CHCHD3: variants seen among roughly 807,000 people sequenced by gnomAD.
CHCHD3 encodes the protein MICOS complex subunit MIC19.
Under a neutral mutation model 38.2 loss-of-function variants are expected in CHCHD3, and 20 were observed. The ratio of observed to expected loss-of-function variants is 0.52; its 90% confidence interval spans 0.37 to 0.76. CHCHD3 has a LOEUF of 0.76. Among genes scored for constraint, CHCHD3 ranks in the 30% least tolerant of loss-of-function variants. The pLI, the probability that CHCHD3 is intolerant of heterozygous loss-of-function variation, is 0.00. For missense variants in CHCHD3, 245 were observed against 279.2 expected (o/e 0.88, Z 0.87); for synonymous variants, 82 against 100.0 (o/e 0.82, Z 1.07).
chr7:132,996,816 A>C (rs1410373889), intron 3 of CHCHD3, among the ~76,000 whole-genome samples: 1 of 152,180 alleles, frequency 6.6e-6, no homozygotes, highest in Admixed American at 6.5e-5. Context: ...CAAGAAGAAA[A>C]ACACCGTGGG....
intron 3 of CHCHD3, among the ~76,000 whole-genome samples, chr7:133,012,376 A>G (rs999796994): frequency 1.3e-5 from 2 of 152,202 alleles, no homozygotes; most frequent in African/African-American, 4.8e-5. Context: ...CAAAACACAA[A>G]AAGTCCTTTC....
intron 4 of CHCHD3, among the ~76,000 whole-genome samples, chr7:132,913,680 T>C (rs1196740944): frequency 1.3e-5 from 2 of 151,854 alleles, no homozygotes; most frequent in Admixed American, 6.6e-5. Context: ...GATGAACAAG[T>C]GTGGAGAATG....
intron 5 of CHCHD3, among the ~76,000 whole-genome samples, chr7:132,855,166 T>C: frequency 6.6e-6 from 1 of 152,146 alleles, no homozygotes; most frequent in African/African-American, 2.4e-5. Context: ...CCTTAGGTCT[T>C]GAGGTTTAAA....
At chr7:132,802,807 C>T (rs2117038694) in intron 6 of CHCHD3, among the ~76,000 whole-genome samples, 1 of 152,208 alleles carries the variant, frequency 6.6e-6, no homozygotes, top group East Asian at 1.9e-4. Context: ...AATAAACTTC[C>T]AGATCACATA....
chr7:132,894,256 A>C (rs1809440338), intron 4 of CHCHD3, among the ~76,000 whole-genome samples: 1 of 152,198 alleles, frequency 6.6e-6, no homozygotes, highest in Non-Finnish European at 1.5e-5. Flanking sequence ...TGTAAACTAT[A>C]CATTTACTCC....
At chr7:132,798,857 A>G (rs1806689751) in intron 6 of CHCHD3, among the ~76,000 whole-genome samples, 1 of 152,192 alleles carries the variant, frequency 6.6e-6, no homozygotes, top group South Asian at 2.1e-4. Flanking sequence ...TAAGTTGTAG[A>G]TAAGCATGTA....
intron 6 of CHCHD3, among the ~76,000 whole-genome samples, chr7:132,834,574 T>C (rs1243264549): frequency 6.6e-6 from 1 of 152,180 alleles, no homozygotes; most frequent in Non-Finnish European, 1.5e-5. Context: ...CAAAATTCAA[T>C]GGTTCAATAA....
At chr7:132,961,772 A>C (rs529151800) in intron 4 of CHCHD3, among the ~76,000 whole-genome samples, 1 of 152,300 alleles carries the variant, frequency 6.6e-6, no homozygotes, top group South Asian at 2.1e-4. Flanking sequence ...CCCTTTAACC[A>C]AATCTCCCCA....
chr7:132,968,330 A>G (rs532489455), intron 4 of CHCHD3, among the ~76,000 whole-genome samples: 5 of 152,212 alleles, frequency 3.3e-5, no homozygotes, highest in Admixed American at 6.5e-5. Flanking sequence ...GAGAAGAGTC[A>G]GAAAGAATGG....
intron 6 of CHCHD3, among the ~76,000 whole-genome samples, chr7:132,807,959 G>A (rs764399645): frequency 1.3e-5 from 2 of 151,738 alleles, no homozygotes; most frequent in African/African-American, 2.4e-5. Flanking sequence ...ATTCCTAATG[G>A]TGATGCCATT....
chr7:132,957,634 C>T (rs1488965352), intron 4 of CHCHD3, among the ~76,000 whole-genome samples: 1 of 152,120 alleles, frequency 6.6e-6, no homozygotes. Flanking sequence ...GGCTGCGCCA[C>T]CGCACCTGGC....
At chr7:132,833,191 G>A (rs1261204077) in intron 6 of CHCHD3, among the ~76,000 whole-genome samples, 1 of 152,026 alleles carries the variant, frequency 6.6e-6, no homozygotes, top group East Asian at 1.9e-4. Context: ...CATTACTAGC[G>A]CCATATAATA....
intron 3 of CHCHD3, among the ~76,000 whole-genome samples, chr7:133,010,878 T>G (rs1812851033): frequency 6.6e-6 from 1 of 152,034 alleles, no homozygotes; most frequent in Admixed American, 6.6e-5. Context: ...CCTCATAAAC[T>G]TTTATATTCC....
At chr7:133,034,956 C>A (rs1813621012) in intron 2 of CHCHD3, 1 of 1,600,720 alleles carries the variant, frequency 6.2e-7, no homozygotes, top group Admixed American at 1.7e-5. Context: ...CTCTGAGTAC[C>A]ACAGGGACCA....
intron 4 of CHCHD3, among the ~76,000 whole-genome samples, chr7:132,948,385 T>G (rs189415516): frequency 6.6e-6 from 1 of 152,042 alleles, no homozygotes; most frequent in East Asian, 1.9e-4. Flanking sequence ...AAGAAAATGG[T>G]GGAAGAGTGA....
At chr7:132,928,039 G>T (rs561914445) in intron 4 of CHCHD3, among the ~76,000 whole-genome samples, 1 of 152,244 alleles carries the variant, frequency 6.6e-6, no homozygotes, top group African/African-American at 2.4e-5. Flanking sequence ...TTCCAGAAGA[G>T]AGTCCACTAA....
At chr7:132,865,094 A>T (rs1808585554) in intron 5 of CHCHD3, among the ~76,000 whole-genome samples, 1 of 152,228 alleles carries the variant, frequency 6.6e-6, no homozygotes, top group Admixed American at 6.5e-5. Context: ...TATGCCAAAC[A>T]TACTGGAAAG....
chr7:132,932,382 G>A (rs1810534715), intron 4 of CHCHD3, among the ~76,000 whole-genome samples: 1 of 152,218 alleles, frequency 6.6e-6, no homozygotes, highest in South Asian at 2.1e-4. Context: ...ACACAGAAAA[G>A]AATCAAGACA....
chr7:132,854,343 T>C (rs1808294933), intron 5 of CHCHD3, among the ~76,000 whole-genome samples: 1 of 152,108 alleles, frequency 6.6e-6, no homozygotes, highest in Admixed American at 6.6e-5. Flanking sequence ...GTTTGTTTTT[T>C]CCCCCTTTCC....
Sources: allele counts gnomAD v4.1 joint callset (sites outside exome capture counted in the v4.1 genomes callset), GRCh38; gene constraint gnomAD v4.1.1; transcripts MANE v1.5; gene names NCBI Gene and HGNC (gene_info 2026-07-23, HGNC 2026-07-21).